Variants in TRIM2 observed in about 807,000 individuals in gnomAD.
TRIM2 encodes tripartite motif containing 2.
In TRIM2, 20 loss-of-function variants were observed where a neutral mutation model predicts 75.2. The observed-to-expected ratio is 0.27, with a 90% confidence interval of 0.19 to 0.39. The LOEUF (loss-of-function observed/expected upper bound fraction) is 0.39, where lower values mean the gene tolerates loss of function less well. Ranked by LOEUF, TRIM2 falls within the 10% of genes least tolerant of loss-of-function variation. The probability of loss-of-function intolerance (pLI) is 1.00; values close to 1 mark genes in which losing one functional copy is unlikely to be tolerated. For missense variants in TRIM2, 660 were observed against 990.8 expected (o/e 0.67, Z 4.48); for synonymous variants, 373 against 388.3 (o/e 0.96, Z 0.46).
chr4:153,338,984 A>AT lies in TRIM2; in HGVS notation c.*4022dup. 2.0e-6 allele frequency: 2 copies of AT among 981,986 alleles called. No homozygotes were observed. The highest frequency in any genetic ancestry group is 2.4e-6 in the Non-Finnish European group (2 of 828,930). 60.8% of individuals were successfully genotyped at this position (981,986 alleles called of 1,614,324 possible). A position where few individuals can be genotyped will look rare whatever the true frequency, so the allele number is the denominator to read the frequency against. ...TTTTTTTGCTTTGTTTTCTTTTTAG[A>AT]TTTTGTACATTCCATCTTTATAGGT... On this transcript the variant is annotated 3_prime_UTR_variant, in exon 12 of 12. Transcript: ENST00000338700.
chr4:153,304,862 A>C (rs1019423066), intron 6 of TRIM2, among the ~76,000 whole-genome samples: 1 of 152,194 alleles, frequency 6.6e-6, no homozygotes, highest in Non-Finnish European at 1.5e-5. Flanking sequence ...GAAGGCTTTG[A>C]ATGGTGTAAT....
intron 1 of TRIM2, among the ~76,000 whole-genome samples, chr4:153,189,674 T>A (rs1045209148): frequency 6.6e-6 from 1 of 152,268 alleles, no homozygotes; most frequent in Admixed American, 6.5e-5. Flanking sequence ...GCACTCACCC[T>A]GTGTCTTGTT....
intron 6 of TRIM2, among the ~76,000 whole-genome samples, chr4:153,314,080 T>G (rs1767002092): frequency 6.6e-6 from 1 of 152,200 alleles, no homozygotes; most frequent in Non-Finnish European, 1.5e-5. Flanking sequence ...CCTATTGAAA[T>G]AAATCATAAA....
chr4:153,170,147 G>C (rs1005015337), intron 1 of TRIM2, among the ~76,000 whole-genome samples: 1 of 152,160 alleles, frequency 6.6e-6, no homozygotes, highest in East Asian at 1.9e-4. Context: ...AGGAGGAAGA[G>C]GGGGAAAAGG....
intron 1 of TRIM2, among the ~76,000 whole-genome samples, chr4:153,214,498 A>G (rs1055899548): frequency 2.0e-5 from 3 of 152,276 alleles, no homozygotes; most frequent in Non-Finnish European, 4.4e-5. Context: ...TTGGAACAAA[A>G]GAAACAATAA....
intron 1 of TRIM2, among the ~76,000 whole-genome samples, chr4:153,241,164 A>AT (rs1746468089): frequency 6.6e-6 from 1 of 152,340 alleles, no homozygotes; most frequent in Admixed American, 6.5e-5. Context: ...CACCTAACAG[A>AT]TCCCTTCTAC....
intron 1 of TRIM2, among the ~76,000 whole-genome samples, chr4:153,191,531 A>G (rs1322812400): frequency 2.0e-5 from 3 of 152,254 alleles, no homozygotes; most frequent in African/African-American, 7.2e-5. Flanking sequence ...TAGCTGTATA[A>G]CTGAGTTGTA....
chr4:153,160,499 C>T (rs1729639243), intron 1 of TRIM2, among the ~76,000 whole-genome samples: 1 of 152,188 alleles, frequency 6.6e-6, no homozygotes, highest in African/African-American at 2.4e-5. Context: ...ATCTTGAACT[C>T]CTGGCCTCAA....
chr4:153,315,371 A>T (rs1204786994), intron 6 of TRIM2, 114 bp from the exon 7 acceptor site: 5 of 796,744 alleles, frequency 6.3e-6, no homozygotes, highest in South Asian at 2.2e-5. Context: ...TTTAAAGTAT[A>T]TTTAAAAACA....
At chr4:153,317,951 C>A (rs1215707946) in intron 8 of TRIM2, among the ~76,000 whole-genome samples, 1 of 152,148 alleles carries the variant, frequency 6.6e-6, no homozygotes, top group Non-Finnish European at 1.5e-5. Context: ...CAGAGTAAGA[C>A]CCTGTCTCAA....
rs144368601 is a variant in TRIM2, at chr4:153,259,204, T to A, written c.31-11131T>A. ...AGAAGACTAAAATCTATACACGTTT[T>A]TTCCATAGGTAATACTATAGTCCTG... is the stretch of plus-strand genomic sequence containing the variant. On this transcript the variant is annotated intron_variant, in intron 1 of 11. Transcript: ENST00000338700. 7.6e-3 allele frequency among the ~76,000 whole-genome samples: 1,153 copies of A among 152,352 alleles called. 15 individuals are homozygous for A. Among genetic ancestry groups the A allele is most frequent in the African/African-American group, 0.025 (1,048 of 41,578 alleles).
At chr4:153,241,384 C>T (rs574062713) in intron 1 of TRIM2, among the ~76,000 whole-genome samples, 8 of 152,280 alleles carry the variant, frequency 5.3e-5, no homozygotes, top group African/African-American at 1.7e-4. Context: ...GCTGCACCAT[C>T]GTTGGGGGAT....
chr4:153,312,184 G>A (rs1046214551), intron 6 of TRIM2, among the ~76,000 whole-genome samples: 2 of 150,490 alleles, frequency 1.3e-5, no homozygotes, highest in African/African-American at 4.9e-5. Context: ...TTGTTCTTGC[G>A]ATAGTTTACT....
Position 153,293,097 on chromosome 4 carries a change from C to G in TRIM2, c.569C>G (p.Ala190Gly), listed in dbSNP as rs1762138169. 6.2e-7 allele frequency: 1 copy of G among 1,612,500 alleles called. No homozygotes were observed. The change falls in exon 4 of 12, where the codon GCC becomes GGC. Residue 190 changes from alanine to glycine, a missense_variant. By Grantham distance (60) the Ala-to-Gly change is moderately conservative. Coordinates refer to ENST00000338700, the MANE Select transcript of TRIM2 (RefSeq NM_015271.5). Reference sequence around the variant, plus strand: ...AAGGATGTGGTGGAACAGCACAAGGCCTCGCTCCAGGTCCAGCTGGATGCT... The same window carrying G: ...AAGGATGTGGTGGAACAGCACAAGGGCTCGCTCCAGGTCCAGCTGGATGCT... ...PLKDVVEQHK[A>G]SLQVQLDAVN...
intron 1 of TRIM2, among the ~76,000 whole-genome samples, chr4:153,186,074 G>C (rs558939969): frequency 3.9e-5 from 6 of 152,262 alleles, no homozygotes; most frequent in Non-Finnish European, 5.9e-5. Context: ...AATGCTACTG[G>C]TATCGAGTGG....
At chr4:153,319,399 A>G (rs1196688079) in intron 8 of TRIM2, among the ~76,000 whole-genome samples, 1 of 152,190 alleles carries the variant, frequency 6.6e-6, no homozygotes, top group Admixed American at 6.5e-5. Flanking sequence ...GTTGAGTTAA[A>G]TACCCTGATT....
At chr4:153,309,316 C>T (rs1334544220) in intron 6 of TRIM2, among the ~76,000 whole-genome samples, 2 of 152,004 alleles carry the variant, frequency 1.3e-5, no homozygotes, top group African/African-American at 4.8e-5. Flanking sequence ...CTGATGATCT[C>T]GGTAATGTGT....
At chr4:153,167,848 C>T (rs1009999098) in intron 1 of TRIM2, among the ~76,000 whole-genome samples, 1 of 152,182 alleles carries the variant, frequency 6.6e-6, no homozygotes, top group Admixed American at 6.5e-5. Flanking sequence ...TGGTCCTAGG[C>T]TTCCAGGGGT....
intron 1 of TRIM2, among the ~76,000 whole-genome samples, chr4:153,205,328 C>G (rs562106863): frequency 1.3e-5 from 2 of 152,216 alleles, no homozygotes; most frequent in Non-Finnish European, 1.5e-5. Context: ...CACTCAGGCA[C>G]CGGTCTTTGG....
Sources: allele counts gnomAD v4.1 joint callset (sites outside exome capture counted in the v4.1 genomes callset), GRCh38; gene constraint gnomAD v4.1.1; transcripts MANE v1.5; gene names NCBI Gene and HGNC (gene_info 2026-07-23, HGNC 2026-07-21).